RHD: variants seen among roughly 807,000 people sequenced by gnomAD.
RHD encodes Rh blood group D antigen.
Under a neutral mutation model 45.5 loss-of-function variants are expected in RHD, and 16 were observed. The observed-to-expected ratio is 0.35, with a 90% confidence interval of 0.24 to 0.53. RHD has a LOEUF of 0.53. Ranked by LOEUF, RHD falls within the 20% of genes least tolerant of loss-of-function variation. The probability of loss-of-function intolerance (pLI) is 0.92; values close to 1 mark genes in which losing one functional copy is unlikely to be tolerated. For missense variants in RHD, 306 were observed against 532.0 expected (o/e 0.58, Z 4.18); for synonymous variants, 131 against 217.5 (o/e 0.60, Z 3.50).
rs1643627730 is a variant in RHD at position 25,304,367 on chromosome 1, G to A, written c.939+908G>A. On this transcript the variant is annotated intron_variant, in intron 6 of 9. Transcript: ENST00000328664. ...TGGCTCACGCGCTTTGGGAGGCCGAGGCGGGCAGATGGCCTGAGGTCAGGA... is the reference window on the plus strand; with the variant it reads ...TGGCTCACGCGCTTTGGGAGGCCGAAGCGGGCAGATGGCCTGAGGTCAGGA... 2 of 124,750 alleles carry A rather than the reference G, an allele frequency of 1.6e-5. 1 individual carries two copies. The highest frequency in any genetic ancestry group is 3.7e-5 in the Non-Finnish European group (2 of 53,346). 7.7% of individuals were successfully genotyped at this position (124,750 alleles called of 1,614,324 possible).
intron 5 of RHD, among the ~76,000 whole-genome samples, chr1:25,302,393 TG>T (rs374435840): frequency 0.022 from 2,760 of 124,410 alleles, 440 homozygotes; most frequent in African/African-American, 0.073. Context: ...TGGGAGGCAC[TG>T]GGGGGGCTGG....
In RHD at chr1:25,307,753, G is replaced by A. The variant is rs569782735; in HGVS notation, c.1073+1024G>A. The A allele has an allele frequency of 1.9e-5, 25 of 1,307,022 alleles. 7 individuals are homozygous for A. Among genetic ancestry groups the A allele is most frequent in the African/African-American group, 1.3e-4 (9 of 68,204 alleles). The allele number at this position is 1,307,022 out of a possible 1,614,324, so 81.0% of individuals were successfully genotyped here. A position where few individuals can be genotyped will look rare whatever the true frequency, so the allele number is the denominator to read the frequency against. ...TCATGGAGGCGCTGCGGTTCCTACC[G>A]GTTCTTGGATGCCTTCTACAGAGAC... is the stretch of plus-strand genomic sequence containing the variant. On this transcript the variant is annotated intron_variant, in intron 7 of 9. Coordinates refer to ENST00000328664, the MANE Select transcript of RHD (RefSeq NM_016124.6).
chr1:25,313,750 A>G (rs1644286250), intron 7 of RHD, among the ~76,000 whole-genome samples: 1 of 132,162 alleles, frequency 7.6e-6, no homozygotes, highest in Non-Finnish European at 1.8e-5. Context: ...GGCATCCACT[A>G]ATGGGCAGGA....
chr1:25,282,317 C>T (rs1238260821), intron 1 of RHD, among the ~76,000 whole-genome samples: 1 of 131,610 alleles, frequency 7.6e-6, no homozygotes, highest in Non-Finnish European at 1.8e-5. Context: ...TCACTGCAAC[C>T]TCTGCCTCCC....
chr1:25,295,148 GGAGA>G (rs932624400), intron 3 of RHD, among the ~76,000 whole-genome samples: 1 of 136,032 alleles, frequency 7.4e-6, no homozygotes, highest in East Asian at 2.2e-4. Flanking sequence ...GGTTAAGAAA[GGAGA>G]GAGAGTGAAA....
In RHD at chr1:25,282,320, T is replaced by C. The variant is rs377557669; in HGVS notation, c.149-2253T>C. Among the ~76,000 whole-genome samples, 16 of 131,580 alleles carry C rather than the reference T, an allele frequency of 1.2e-4. No individual in the cohort carries two copies. In the East Asian group the frequency reaches 2.7e-3, roughly 23 times the overall value. The allele number at this position is 131,580 out of a possible 152,430, so 86.3% of individuals were successfully genotyped here. ...TGCGGTCTCAGCTCACTGCAACCTC[T>C]GCCTCCCGGGTTCAAGCGATTCTCC... is the stretch of plus-strand genomic sequence containing the variant. On this transcript the variant is annotated intron_variant, in intron 1 of 9. Coordinates refer to ENST00000328664, the MANE Select transcript of RHD (RefSeq NM_016124.6).
In RHD at chr1:25,330,198, T is replaced by C. The variant is rs989700916; in HGVS notation, c.*1274T>C. 2.3e-5 allele frequency: 3 copies of C among 133,040 alleles called. 1 individual carries two copies. Among genetic ancestry groups the C allele is most frequent in the African/African-American group, 7.7e-5 (3 of 38,964 alleles). The allele number at this position is 133,040 out of a possible 1,614,324, so 8.2% of individuals were successfully genotyped here. On this transcript the variant is annotated 3_prime_UTR_variant, in exon 10 of 10. Coordinates refer to ENST00000328664, the MANE Select transcript of RHD (RefSeq NM_016124.6). The stretch of plus-strand genomic sequence containing the variant: ...TGTTTTCTACTGCTATGTGTCACAC[T>C]TTGCCAAACAGGATGTGGAAAATGA...
At chr1:25,311,199 C>A (rs1644127516) in intron 7 of RHD, among the ~76,000 whole-genome samples, 1 of 131,892 alleles carries the variant, frequency 7.6e-6, no homozygotes, top group African/African-American at 2.6e-5. Flanking sequence ...GAGCAAAGGT[C>A]ATCCTTTTTA....
chr1:25,282,274 G>T (rs533852489), intron 1 of RHD, among the ~76,000 whole-genome samples: 1 of 131,086 alleles, frequency 7.6e-6, no homozygotes, highest in Non-Finnish European at 1.8e-5. Context: ...TCACTGTGTC[G>T]CCCAGGCTGG....
At chr1:25,304,552 C>G (rs939617570) in intron 6 of RHD, 1 of 127,638 alleles carries the variant, frequency 7.8e-6, no homozygotes, top group Non-Finnish European at 1.8e-5. Context: ...GAGCTGAAAT[C>G]GTGCCATGGC....
In RHD at chr1:25,283,108, C is replaced by G. The variant is rs547581398; in HGVS notation, c.149-1465C>G. Among the ~76,000 whole-genome samples, 16 of 132,454 alleles carry G rather than the reference C, an allele frequency of 1.2e-4. No individual in the cohort carries two copies. In the South Asian group the frequency reaches 3.7e-3, roughly 30 times the overall value. The allele number at this position is 132,454 out of a possible 152,430, so 86.9% of individuals were successfully genotyped here. ...GGAGCAATTATGTGCATTACATATACCATTTGATTCTGGCAACCTAATGAA... is the reference window on the plus strand; with the variant it reads ...GGAGCAATTATGTGCATTACATATAGCATTTGATTCTGGCAACCTAATGAA... On this transcript the variant is annotated intron_variant, in intron 1 of 9. Coordinates refer to ENST00000328664, the MANE Select transcript of RHD (RefSeq NM_016124.6).
chr1:25,311,654 G>T (rs1411733865), intron 7 of RHD, among the ~76,000 whole-genome samples: 1 of 129,640 alleles, frequency 7.7e-6, no homozygotes, highest in African/African-American at 2.7e-5. Context: ...CCCATTACTG[G>T]CCCAGAGCTC....
At chr1:25,323,363 C>T (rs1644817791) in intron 9 of RHD, among the ~76,000 whole-genome samples, 1 of 105,354 alleles carries the variant, frequency 9.5e-6, no homozygotes, top group African/African-American at 3.2e-5. Context: ...CTTCCACACA[C>T]TTCCTCCTGC....
At chr1:25,272,817 C>A in intron 1 of RHD, 122 bp downstream of exon 1, 2 of 1,194,504 alleles carry the variant, frequency 1.7e-6, no homozygotes, top group Non-Finnish European at 2.4e-6. Context: ...AAAGATTCCC[C>A]CATCTTCTTC....
At chr1:25,286,821 C>T (rs113744987) in intron 2 of RHD, among the ~76,000 whole-genome samples, 1,762 of 133,342 alleles carry the variant, frequency 0.013, 201 homozygotes, top group African/African-American at 0.044. Flanking sequence ...AGGCCAGGCG[C>T]GGTGGTTCAT....
At position 25,299,351 on chromosome 1, in the gene RHD, T is replaced by C. The variant is rs1163641986; in HGVS notation, c.487-1595T>C. Among the ~76,000 whole-genome samples, 173 of 130,014 alleles carry C rather than the reference T, an allele frequency of 1.3e-3. 5 individuals are homozygous for C. The highest frequency in any genetic ancestry group is 4.1e-3 in the Middle Eastern group (1 of 246). The allele number at this position is 130,014 out of a possible 152,430, so 85.3% of individuals were successfully genotyped here. On this transcript the variant is annotated intron_variant, in intron 3 of 9. Transcript: ENST00000328664. ...GAGCCAAGATGGCACCAGTGCACTCTAGCCTGGCGACAGAGTGAGACTCCG... is the reference window on the plus strand; with the variant it reads ...GAGCCAAGATGGCACCAGTGCACTCCAGCCTGGCGACAGAGTGAGACTCCG...
rs1181189223 is a variant in RHD, at chr1:25,282,584, G to C, written c.149-1989G>C. On this transcript the variant is annotated intron_variant, in intron 1 of 9. Transcript: ENST00000328664. ...GAAATGATAGAGCTGGGATCGAACAGAGCCATGTGAACTCAAAACCTATGC... is the reference window on the plus strand; with the variant it reads ...GAAATGATAGAGCTGGGATCGAACACAGCCATGTGAACTCAAAACCTATGC... Among the ~76,000 whole-genome samples the C allele has an allele frequency of 6.8e-5, 9 of 132,338 alleles. 1 individual carries two copies. The highest frequency in any genetic ancestry group is 2.3e-4 in the African/African-American group (9 of 38,776). 86.8% of individuals were successfully genotyped at this position (132,338 alleles called of 152,430 possible). A position where few individuals can be genotyped will look rare whatever the true frequency, so the allele number is the denominator to read the frequency against.
chr1:25,313,303 C>A (rs114315425), intron 7 of RHD, among the ~76,000 whole-genome samples: 1,702 of 132,158 alleles, frequency 0.013, 234 homozygotes, highest in African/African-American at 0.041. Context: ...GACTTCCCAG[C>A]CTCCAGAACC....
Position 25,277,548 on chromosome 1 carries a change from C to A in RHD, c.148+4853C>A, listed in dbSNP as rs1641118249. On this transcript the variant is annotated intron_variant, in intron 1 of 9. Coordinates refer to ENST00000328664, the MANE Select transcript of RHD (RefSeq NM_016124.6). ...AAATCTTGCCTCTGTATCTTAGAGA[C>A]CTTGGGCAGATTAGTCAACCTCTTT... Among the ~76,000 whole-genome samples the A allele has an allele frequency of 1.5e-5, 2 of 131,228 alleles. 1 individual carries two copies. The highest frequency in any genetic ancestry group is 4.7e-4 in the South Asian group (2 of 4,292). The allele number at this position is 131,228 out of a possible 152,430, so 86.1% of individuals were successfully genotyped here.
Sources: allele counts gnomAD v4.1 joint callset (sites outside exome capture counted in the v4.1 genomes callset), GRCh38; gene constraint gnomAD v4.1.1; transcripts MANE v1.5; gene names NCBI Gene and HGNC (gene_info 2026-07-23, HGNC 2026-07-21).